Variants in MAML2 observed in about 807,000 individuals in gnomAD.
MAML2 encodes mastermind like transcriptional coactivator 2.
MAML2 carries 22 observed loss-of-function variants against 96.1 expected under a neutral mutation model. The ratio of observed to expected loss-of-function variants is 0.23; its 90% CI spans 0.16 to 0.33. MAML2 has a LOEUF of 0.33. MAML2 is among the 10% of genes least tolerant of loss of function. The probability of loss-of-function intolerance (pLI) is 1.00; values close to 1 mark genes in which losing one functional copy is unlikely to be tolerated. For synonymous variants in MAML2, 561 were observed against 521.3 expected (o/e 1.08, Z -1.04); for missense variants, 1,367 against 1,392.4 (o/e 0.98, Z 0.29).
intron 1 of MAML2, among the ~76,000 whole-genome samples, chr11:96,270,122 C>T (rs1862894556): frequency 8.0e-6 from 1 of 125,436 alleles, no homozygotes; most frequent in Admixed American, 9.1e-5. Flanking sequence ...TCAATCCTCC[C>T]CAGTTTTCTT....
At chr11:96,194,213 T>A (rs1861697911) in intron 1 of MAML2, among the ~76,000 whole-genome samples, 1 of 152,124 alleles carries the variant, frequency 6.6e-6, no homozygotes, top group South Asian at 2.1e-4. Context: ...AACTGGAGGC[T>A]GGGGTGGGCA....
intron 1 of MAML2, among the ~76,000 whole-genome samples, chr11:96,223,467 C>T (rs978727770): frequency 2.0e-5 from 3 of 152,176 alleles, no homozygotes; most frequent in African/African-American, 7.2e-5. Context: ...AATATTTAGA[C>T]ACATAGTATG....
chr11:96,287,784 T>C (rs1863160107), intron 1 of MAML2, among the ~76,000 whole-genome samples: 1 of 152,248 alleles, frequency 6.6e-6, no homozygotes. Context: ...ATTTTCATAA[T>C]ACTCTTCTGC....
intron 2 of MAML2, among the ~76,000 whole-genome samples, chr11:96,031,312 T>C (rs1422742924): frequency 1.3e-5 from 2 of 151,296 alleles, no homozygotes; most frequent in Non-Finnish European, 2.9e-5. Flanking sequence ...ATGAGCTAAG[T>C]GTTATTATTT....
intron 1 of MAML2, among the ~76,000 whole-genome samples, chr11:96,329,027 A>T (rs952893323): frequency 2.6e-5 from 4 of 152,326 alleles, no homozygotes; most frequent in Admixed American, 2.6e-4. Flanking sequence ...AGACGGATGT[A>T]CACAGCTGAA....
intron 1 of MAML2, among the ~76,000 whole-genome samples, chr11:96,235,977 C>A (rs1862362395): frequency 6.6e-6 from 1 of 152,230 alleles, no homozygotes; most frequent in Non-Finnish European, 1.5e-5. Flanking sequence ...ATCACTTGTG[C>A]CAGAGATGAA....
intron 1 of MAML2, among the ~76,000 whole-genome samples, chr11:96,218,328 C>T (rs139417349): frequency 3.3e-4 from 51 of 152,286 alleles, no homozygotes; most frequent in Middle Eastern, 3.4e-3. Context: ...CATGCATCCT[C>T]GGTGAACCCC....
At chr11:96,278,562 C>G (rs572424) in intron 1 of MAML2, among the ~76,000 whole-genome samples, 46,748 of 151,970 alleles carry the variant, frequency 0.31, 7,292 homozygotes, top group Middle Eastern at 0.4. Flanking sequence ...CAAACTCAAG[C>G]TGGCAAATTA....
chr11:96,067,327 G>A (rs987920757), intron 2 of MAML2, among the ~76,000 whole-genome samples: 6 of 152,090 alleles, frequency 3.9e-5, no homozygotes, highest in African/African-American at 1.4e-4. Flanking sequence ...TTCAAGACAC[G>A]GACTGCCTTT....
chr11:96,002,429 G>T (rs563858240), intron 2 of MAML2, among the ~76,000 whole-genome samples: 1 of 152,274 alleles, frequency 6.6e-6, no homozygotes, highest in East Asian at 1.9e-4. Flanking sequence ...TTATGGGTGT[G>T]CCACCTTAGA....
intron 1 of MAML2, among the ~76,000 whole-genome samples, chr11:96,312,678 T>C (rs1290129732): frequency 2.0e-5 from 3 of 152,186 alleles, no homozygotes; most frequent in Non-Finnish European, 4.4e-5. Flanking sequence ...GGTGGAACAT[T>C]CATTACATAA....
Position 96,330,228 on chromosome 11 carries a change from T to C in MAML2, c.513+11155A>G, listed in dbSNP as rs192545101. On this transcript the variant is annotated intron_variant, in intron 1 of 4. Coordinates refer to ENST00000524717, the MANE Select transcript of MAML2 (RefSeq NM_032427.4). Reference sequence around the variant, plus strand: ...TGATGCACATGAAGTGAATGTGAACTGACAAAGAGGGAATTTGTATGAATT... The same window carrying C: ...TGATGCACATGAAGTGAATGTGAACCGACAAAGAGGGAATTTGTATGAATT... Among the ~76,000 whole-genome samples, 374 of 152,316 alleles carry C rather than the reference T, an allele frequency of 2.5e-3. 1 individual carries two copies. Among genetic ancestry groups the C allele is most frequent in the African/African-American group, 8.8e-3 (365 of 41,568 alleles).
chr11:96,199,794 C>T (rs1020646621), intron 1 of MAML2, among the ~76,000 whole-genome samples: 2 of 152,158 alleles, frequency 1.3e-5, no homozygotes, highest in African/African-American at 4.8e-5. Flanking sequence ...CAGAGGAAAA[C>T]AGTGACAACA....
intron 2 of MAML2, among the ~76,000 whole-genome samples, chr11:96,066,849 G>A (rs1432402402): frequency 1.3e-5 from 2 of 152,152 alleles, no homozygotes; most frequent in Non-Finnish European, 2.9e-5. Flanking sequence ...ATAAACCCAG[G>A]TAAAAAGAAG....
chr11:96,288,668 AC>A (rs1287207078), intron 1 of MAML2, among the ~76,000 whole-genome samples: 1 of 152,146 alleles, frequency 6.6e-6, no homozygotes, highest in Non-Finnish European at 1.5e-5. Flanking sequence ...ATTAATTCTG[AC>A]TCTTCATTAG....
chr11:96,284,883 A>G (rs113907088), intron 1 of MAML2, among the ~76,000 whole-genome samples: 3,024 of 152,322 alleles, frequency 0.02, 41 homozygotes, highest in African/African-American at 0.021. Flanking sequence ...TGAACATTCT[A>G]ATCACTTTAG....
chr11:96,045,902 GTTTT>G (rs60206394), intron 2 of MAML2, among the ~76,000 whole-genome samples: 10 of 136,070 alleles, frequency 7.3e-5, no homozygotes, highest in African/African-American at 2.7e-4. Flanking sequence ...GCACACTTCT[GTTTT>G]TTTTTTTTTT....
rs1023759463 is a variant in MAML2, at chr11:95,984,855, A to G, written c.2455+676T>C. On this transcript the variant is annotated intron_variant, in intron 4 of 4. Coordinates refer to ENST00000524717, the MANE Select transcript of MAML2 (RefSeq NM_032427.4). The stretch of plus-strand genomic sequence containing the variant: ...CAGAGCATTTTAGACAGTTTTGGGC[A>G]GAAGCGTATTGAATAGTTGCTGAAT... Among the ~76,000 whole-genome samples the G allele has an allele frequency of 1.8e-4, 27 of 152,328 alleles. No homozygotes were observed. In the East Asian group the frequency reaches 3.5e-3, roughly 20 times the overall value.
intron 2 of MAML2, among the ~76,000 whole-genome samples, chr11:96,048,509 T>A (rs926474203): frequency 1.3e-5 from 2 of 152,224 alleles, no homozygotes; most frequent in Admixed American, 1.3e-4. Flanking sequence ...TAAATTAAAA[T>A]TTTTAACACA....
Sources: gnomAD v4.1 joint callset for allele counts (sites outside exome capture counted in the v4.1 genomes callset) on GRCh38, gnomAD v4.1.1 for gene constraint, MANE v1.5 for transcripts, NCBI Gene and HGNC (gene_info 2026-07-23, HGNC 2026-07-21) for gene names.